COL10A1: variants seen among roughly 807,000 people sequenced by gnomAD.
COL10A1 encodes collagen type X alpha 1 chain.
In COL10A1, 10 loss-of-function variants were observed where a neutral mutation model predicts 18.2. The observed-to-expected ratio is 0.55, with a 90% CI of 0.34 to 0.93. The LOEUF (loss-of-function observed/expected upper bound fraction) is 0.93. Ranked by LOEUF, COL10A1 falls within the 40% of genes least tolerant of loss-of-function variation. The probability of loss-of-function intolerance (pLI) is 0.02; values close to 1 mark genes in which losing one functional copy is unlikely to be tolerated. For missense variants in COL10A1, 897 were observed against 853.5 expected (o/e 1.05, Z -0.64); for synonymous variants, 330 against 316.6 (o/e 1.04, Z -0.45).
Position 116,120,768 on chromosome 6 carries a change from T to A in COL10A1, c.1348A>T (p.Thr450Ser), listed in dbSNP as rs766095631. The change falls in exon 3 of 3, where the codon ACT becomes TCT. Residue 450 changes from threonine to serine, a missense_variant. Thr to Ser is a moderately conservative substitution (Grantham distance 58). Transcript: ENST00000651968. ...CCTGGTGGCCCAATAGGGCCTCTAGTACCTGGTATTCCAGGGGCACCTCTT... is the reference window on the plus strand; with the variant it reads ...CCTGGTGGCCCAATAGGGCCTCTAGAACCTGGTATTCCAGGGGCACCTCTT... ...GPRGAPGIPG[T>S]RGPIGPPGIP... is the part of the protein sequence containing the mutation. 6.2e-7 allele frequency: 1 copy of A among 1,612,852 alleles called. No homozygotes were observed. The highest frequency in any genetic ancestry group is 1.1e-5 in the South Asian group (1 of 91,056).
chr6:116,137,892 C>T (rs1779652713), intron 1 of COL10A1, among the ~76,000 whole-genome samples: 1 of 152,076 alleles, frequency 6.6e-6, no homozygotes, highest in South Asian at 2.1e-4. Context: ...CCAGCCTGAC[C>T]AACATGGTGA....
the COL10A1 span, among the ~76,000 whole-genome samples, chr6:116,212,535 G>T: frequency 6.6e-6 from 1 of 152,062 alleles, no homozygotes. Flanking sequence ...AGTAAGAAAA[G>T]ATATTTCTGA....
At chr6:116,203,260 A>T in the COL10A1 span, among the ~76,000 whole-genome samples, 3 of 151,862 alleles carry the variant, frequency 2.0e-5, no homozygotes, top group Non-Finnish European at 4.4e-5. Flanking sequence ...ATTCATTTTC[A>T]TGGTCATGAA....
chr6:116,124,857 G>A (rs1018082379), intron 2 of COL10A1, among the ~76,000 whole-genome samples: 1 of 152,120 alleles, frequency 6.6e-6, no homozygotes, highest in African/African-American at 2.4e-5. Context: ...TTGTTGGGGG[G>A]GAGGCCATCA....
chr6:116,158,644 T>C (rs1780259454), exon 1 of COL10A1: 1 of 152,162 alleles, frequency 6.6e-6, no homozygotes, highest in South Asian at 2.1e-4. Flanking sequence ...CCTATATGCT[T>C]GTTGTTGGCT....
upstream of COL10A1, among the ~76,000 whole-genome samples, chr6:116,128,820 C>T (rs1313518765): frequency 6.6e-6 from 1 of 152,108 alleles, no homozygotes; most frequent in Non-Finnish European, 1.5e-5. Context: ...TCATGATGGC[C>T]TCCTAAGTTA....
the COL10A1 span, among the ~76,000 whole-genome samples, chr6:116,202,312 C>A: frequency 6.6e-6 from 1 of 151,878 alleles, no homozygotes; most frequent in Non-Finnish European, 1.5e-5. Context: ...ATACATAGAT[C>A]AGTAGCAGAA....
chr6:116,128,147 T>G (rs1343359462), upstream of COL10A1, among the ~76,000 whole-genome samples: 2 of 152,176 alleles, frequency 1.3e-5, no homozygotes, highest in African/African-American at 4.8e-5. Context: ...ATGTGGGTAT[T>G]TGTCATTCTA....
Position 116,156,445 on chromosome 6 carries a change from A to G in COL10A1, c.-16+2169T>C, listed in dbSNP as rs118011301. Among the ~76,000 whole-genome samples, 377 of 152,292 alleles carry G rather than the reference A, an allele frequency of 2.5e-3. 2 individuals are homozygous for G. Among genetic ancestry groups the G allele is most frequent in the Non-Finnish European group, 4.6e-3 (316 of 68,022 alleles). On this transcript the variant is annotated intron_variant, in intron 1 of 1. Transcript: ENST00000418500. ...CATTATCTTTGCTTTCACTTAGCTT[A>G]TTATAGTCTGCCTCATAAGGGATTA...
In COL10A1 at chr6:116,133,459, G is replaced by A. The variant is rs138222171; in HGVS notation, c.-15-7952C>T. On this transcript the variant is annotated intron_variant, in intron 1 of 1. Coordinates refer to the COL10A1 transcript ENST00000418500. ...AACAACTCCACAGTCACCATCTATA[G>A]TGTACAAAGTAAAGTACTTGTAGGG... 3.9e-3 allele frequency among the ~76,000 whole-genome samples: 597 copies of A among 152,230 alleles called. 3 individuals are homozygous for A. Among genetic ancestry groups the A allele is most frequent in the Admixed American group, 6.4e-3 (98 of 15,284 alleles).
intron 1 of COL10A1, among the ~76,000 whole-genome samples, chr6:116,136,838 A>G (rs1017766089): frequency 2.6e-5 from 4 of 152,190 alleles, no homozygotes; most frequent in Admixed American, 6.6e-5. Flanking sequence ...GAAACAGAAT[A>G]TTTAGTCACA....
In COL10A1 at chr6:116,120,600, G is replaced by A; in HGVS notation, c.1516C>T (p.Leu506Phe). Residue 506 changes from leucine (L) to phenylalanine (F), a missense_variant, in exon 3 of 3, where the codon CTT becomes TTT. By Grantham distance (22) the Leu-to-Phe change is conservative. Coordinates refer to ENST00000651968, the MANE Select transcript of COL10A1 (RefSeq NM_000493.4). Reference sequence around the variant, plus strand: ...CCTGGAGGCCCAGGGGGCCCTGGAAGACCAGGCTCTCCAGAGTGGCCTCTT... The same window carrying A: ...CCTGGAGGCCCAGGGGGCCCTGGAAAACCAGGCTCTCCAGAGTGGCCTCTT... ...GPRGHSGEPG[L>F]PGPPGPPGPP... 6.3e-7 allele frequency: 1 copy of A among 1,581,542 alleles called. No individual in the cohort carries two copies.
rs189068194 is a variant in COL10A1, at chr6:116,141,112, C to T, written c.-15-15605G>A. The stretch of plus-strand genomic sequence containing the variant: ...GTGTCATTTAAACTTCAAGGTTTGC[C>T]AACCAGTGGTTGTAAAATGCTGTCT... On this transcript the variant is annotated intron_variant, in intron 1 of 1. Coordinates refer to the COL10A1 transcript ENST00000418500. 1.8e-3 allele frequency among the ~76,000 whole-genome samples: 277 copies of T among 152,200 alleles called. 2 individuals are homozygous for T. The highest frequency in any genetic ancestry group is 5.8e-3 in the African/African-American group (239 of 41,506).
In COL10A1 at chr6:116,121,509, C is replaced by A. The variant is rs1779126291; in HGVS notation, c.607G>T (p.Gly203Cys). The A allele has an allele frequency of 6.2e-7, 1 of 1,614,156 alleles. No individual in the cohort carries two copies. Among genetic ancestry groups the A allele is most frequent in the Non-Finnish European group, 8.5e-7 (1 of 1,180,026 alleles). Residue 203 changes from glycine to cysteine, a missense_variant, in exon 3 of 3, where the codon GGT becomes TGT. Transcript: ENST00000651968. ...GTGGGACCCTGAGGGCCTGGAAGAC[C>A]CCTCTCACCTGGACGACCAGGAGCA... ...YGAPGRPGERGLPGPQGPTGP... is the reference protein window; with the variant it reads ...YGAPGRPGERCLPGPQGPTGP...
upstream of COL10A1, among the ~76,000 whole-genome samples, chr6:116,128,170 G>A (rs1457440070): frequency 2.0e-5 from 3 of 152,068 alleles, no homozygotes; most frequent in African/African-American, 4.8e-5. Flanking sequence ...CTCCCCTTTA[G>A]TTTTGGAAAA....
chr6:116,122,040 A>G (rs1040616318), intron 2 of COL10A1, 79 bp from the exon 3 acceptor site: 11 of 1,185,582 alleles, frequency 9.3e-6, no homozygotes, highest in Middle Eastern at 2.4e-4. Context: ...CTTTCAAACT[A>G]TGAATTGGGA....
intron 1 of COL10A1, among the ~76,000 whole-genome samples, chr6:116,147,525 T>C (rs1380962162): frequency 2.6e-5 from 4 of 152,072 alleles, no homozygotes; most frequent in Non-Finnish European, 5.9e-5. Flanking sequence ...AGTCCTAATA[T>C]ATAAGAAGTT....
chr6:116,155,752 T>TAA (rs58270869), intron 1 of COL10A1, among the ~76,000 whole-genome samples: 18 of 114,592 alleles, frequency 1.6e-4, no homozygotes, highest in South Asian at 2.7e-4. Flanking sequence ...TACTTCTCCT[T>TAA]AAAAAAAAAA....
chr6:116,178,071 G>A, the COL10A1 span, among the ~76,000 whole-genome samples: 2 of 109,890 alleles, frequency 1.8e-5, no homozygotes, highest in African/African-American at 8.5e-5. Context: ...GTGTGTGTGT[G>A]TGTGTGTGTG....
Sources: allele counts gnomAD v4.1 joint callset (sites outside exome capture counted in the v4.1 genomes callset), GRCh38; gene constraint gnomAD v4.1.1; transcripts MANE v1.5; gene names NCBI Gene and HGNC (gene_info 2026-07-23, HGNC 2026-07-21).